ATP8A2: variants seen among roughly 807,000 people sequenced by gnomAD.
ATP8A2 encodes phospholipid-transporting ATPase IB.
A neutral mutation model predicts 165.6 loss-of-function variants in ATP8A2; 100 were observed. That is an observed-to-expected ratio of 0.60 (90% confidence interval 0.51 to 0.71). The LOEUF (loss-of-function observed/expected upper bound fraction) is 0.71, where lower values mean the gene tolerates loss of function less well. ATP8A2 is among the 30% of genes least tolerant of loss of function. The probability of loss-of-function intolerance (pLI) is 0.00; values close to 1 mark genes in which losing one functional copy is unlikely to be tolerated. For synonymous variants in ATP8A2, 543 were observed against 548.8 expected (o/e 0.99, Z 0.15); for missense variants, 1,227 against 1,479.5 (o/e 0.83, Z 2.80).
At chr13:25,965,816 CTTA>C (rs2139200060) in intron 34 of ATP8A2, among the ~76,000 whole-genome samples, 1 of 152,222 alleles carries the variant, frequency 6.6e-6, no homozygotes, top group Non-Finnish European at 1.5e-5. Context: ...ACTTCATTTC[CTTA>C]TTATAATCCC....
intron 30 of ATP8A2, among the ~76,000 whole-genome samples, chr13:25,846,756 A>G (rs1173252262): frequency 6.6e-6 from 1 of 152,178 alleles, no homozygotes; most frequent in Non-Finnish European, 1.5e-5. Flanking sequence ...GCTGTTGCTG[A>G]TCTAATGTAG....
chr13:25,623,055 G>A (rs866716455), intron 24 of ATP8A2, among the ~76,000 whole-genome samples: 3 of 152,012 alleles, frequency 2.0e-5, no homozygotes, highest in Admixed American at 1.3e-4. Context: ...ATTCTTAGAG[G>A]CACCCTCACT....
intron 15 of ATP8A2, among the ~76,000 whole-genome samples, chr13:25,560,930 A>C (rs1285682150): frequency 6.7e-6 from 1 of 148,272 alleles, no homozygotes; most frequent in African/African-American, 2.5e-5. Flanking sequence ...TCTGTTGCCC[A>C]GGCTGGAGTG....
At chr13:25,881,578 GGAGAGAGA>G (rs146413315) in intron 33 of ATP8A2, among the ~76,000 whole-genome samples, 1 of 149,636 alleles carries the variant, frequency 6.7e-6, no homozygotes, top group Non-Finnish European at 1.5e-5. Context: ...TGTCCTCCAT[GGAGAGAGA>G]GAGAGAGAAA....
chr13:25,986,474 C>T (rs1956282166), intron 35 of ATP8A2, among the ~76,000 whole-genome samples: 2 of 152,170 alleles, frequency 1.3e-5, no homozygotes. Flanking sequence ...TCTTTCTGTG[C>T]CTGGCTTATT....
intron 10 of ATP8A2, among the ~76,000 whole-genome samples, chr13:25,545,450 G>A (rs1029543745): frequency 1.3e-5 from 2 of 151,924 alleles, no homozygotes; most frequent in African/African-American, 4.8e-5. Context: ...GAGATGGGTG[G>A]CTCATTGGGA....
At chr13:25,703,519 A>G (rs1314055213) in intron 25 of ATP8A2, among the ~76,000 whole-genome samples, 1 of 152,218 alleles carries the variant, frequency 6.6e-6, no homozygotes, top group East Asian at 1.9e-4. Context: ...GTGCATGTCC[A>G]TAATGTTCAT....
At chr13:25,523,737 TTTTA>T (rs2037745016) in intron 2 of ATP8A2, among the ~76,000 whole-genome samples, 1 of 152,108 alleles carries the variant, frequency 6.6e-6, no homozygotes, top group Admixed American at 6.5e-5. Context: ...CCATTTCTGG[TTTTA>T]TTTGAGTCTT....
chr13:25,794,160 G>A (rs1348808077), intron 27 of ATP8A2, among the ~76,000 whole-genome samples: 3 of 152,232 alleles, frequency 2.0e-5, no homozygotes, highest in Non-Finnish European at 4.4e-5. Flanking sequence ...GCCATGAGCA[G>A]CATGTTTTCC....
chr13:25,638,556 A>T (rs1398679634), intron 24 of ATP8A2, among the ~76,000 whole-genome samples: 2 of 152,178 alleles, frequency 1.3e-5, no homozygotes, highest in African/African-American at 2.4e-5. Flanking sequence ...AAGTTTAGAG[A>T]AAGATGAGTA....
intron 25 of ATP8A2, among the ~76,000 whole-genome samples, chr13:25,732,159 A>T (rs1593264098): frequency 6.6e-6 from 1 of 152,194 alleles, no homozygotes. Context: ...TACTGTGTTT[A>T]GGAAAAGGAG....
chr13:25,852,646 A>G (rs1258381007), intron 30 of ATP8A2, among the ~76,000 whole-genome samples: 1 of 152,114 alleles, frequency 6.6e-6, no homozygotes, highest in Non-Finnish European at 1.5e-5. Flanking sequence ...CCATTTTTCT[A>G]ACTCAGTTAA....
At chr13:25,998,077 A>G (rs1956552288) in intron 35 of ATP8A2, among the ~76,000 whole-genome samples, 1 of 152,218 alleles carries the variant, frequency 6.6e-6, no homozygotes, top group South Asian at 2.1e-4. Context: ...GAGGTAATCC[A>G]GATTCACTAA....
At chr13:25,570,573 C>G (rs535276644) in intron 16 of ATP8A2, among the ~76,000 whole-genome samples, 194 bp from the exon 17 acceptor site, 1 of 152,108 alleles carries the variant, frequency 6.6e-6, no homozygotes, top group South Asian at 2.1e-4. Flanking sequence ...GGGATTAGTG[C>G]GCGTCAGGAG....
intron 1 of ATP8A2, among the ~76,000 whole-genome samples, chr13:25,411,114 A>G (rs2033952463): frequency 6.6e-6 from 1 of 152,202 alleles, no homozygotes; most frequent in Non-Finnish European, 1.5e-5. Flanking sequence ...ATGATGGTTT[A>G]TTTATAATGT....
At position 25,996,231 on chromosome 13, in the gene ATP8A2, G is replaced by A. The variant is rs144184989; in HGVS notation, c.3378-16300G>A. ...GTTTTTAAATTCACCATGTCATTCT[G>A]TATCTTTTAATTGGCATATTTATAC... On this transcript the variant is annotated intron_variant, in intron 35 of 36. Coordinates refer to ENST00000381655, the MANE Select transcript of ATP8A2 (RefSeq NM_016529.6). Among the ~76,000 whole-genome samples, 642 of 152,144 alleles carry A rather than the reference G, an allele frequency of 4.2e-3. 3 individuals are homozygous for A. The highest frequency in any genetic ancestry group is 0.015 in the African/African-American group (605 of 41,514).
chr13:25,770,937 A>G (rs1247087682), intron 26 of ATP8A2, among the ~76,000 whole-genome samples: 4 of 152,202 alleles, frequency 2.6e-5, no homozygotes, highest in Non-Finnish European at 2.9e-5. Flanking sequence ...GGAGCTTCCT[A>G]TAGCCCCAGG....
chr13:25,655,104 G>A (rs55732974), intron 24 of ATP8A2, among the ~76,000 whole-genome samples: 419 of 152,274 alleles, frequency 2.8e-3, no homozygotes, highest in African/African-American at 9.8e-3. Flanking sequence ...GAGGAAGTAG[G>A]CACTCACCCA....
intron 33 of ATP8A2, among the ~76,000 whole-genome samples, chr13:25,914,915 C>T (rs568897062): frequency 1.3e-5 from 2 of 152,218 alleles, no homozygotes; most frequent in African/African-American, 2.4e-5. Context: ...TCCCCCTTCC[C>T]GATTTGTTAG....
Sources: gnomAD v4.1 joint callset for allele counts (sites outside exome capture counted in the v4.1 genomes callset) on GRCh38, gnomAD v4.1.1 for gene constraint, MANE v1.5 for transcripts, NCBI Gene and HGNC (gene_info 2026-07-23, HGNC 2026-07-21) for gene names.